Variants in VWA5A observed in about 807,000 individuals in gnomAD.
VWA5A encodes von Willebrand factor A domain containing 5A.
VWA5A carries 77 observed loss-of-function variants against 84.6 expected under a neutral mutation model. The observed-to-expected ratio is 0.91, with a 90% CI of 0.76 to 1.10. The LOEUF (loss-of-function observed/expected upper bound fraction) is 1.10. Ranked by LOEUF, VWA5A falls within the 50% of genes least tolerant of loss-of-function variation. The pLI is 0.00. For missense variants in VWA5A, 973 were observed against 963.0 expected (o/e 1.01, Z -0.14); for synonymous variants, 334 against 350.1 (o/e 0.95, Z 0.51).
chr11:124,144,278 A>G (rs944744248), intron 17 of VWA5A, among the ~76,000 whole-genome samples: 3 of 152,230 alleles, frequency 2.0e-5, no homozygotes, highest in Non-Finnish European at 4.4e-5. Flanking sequence ...GAGCATTTGC[A>G]CATGAAAATC....
intron 11 of VWA5A, among the ~76,000 whole-genome samples, chr11:124,133,409 G>T (rs1393514280): frequency 6.6e-6 from 1 of 152,224 alleles, no homozygotes; most frequent in South Asian, 2.1e-4. Flanking sequence ...GCTTCAAAGG[G>T]TCAAGGAACA....
chr11:124,140,674 G>T (rs1017717216), intron 15 of VWA5A, among the ~76,000 whole-genome samples: 2 of 151,952 alleles, frequency 1.3e-5, no homozygotes, highest in Non-Finnish European at 2.9e-5. Flanking sequence ...TCACTACATT[G>T]CCTAGGCTGG....
At chr11:124,125,301 G>A (rs1046392145) in intron 11 of VWA5A, among the ~76,000 whole-genome samples, 1 of 136,276 alleles carries the variant, frequency 7.3e-6, no homozygotes, top group Non-Finnish European at 1.6e-5. Context: ...TTTTTTTCTT[G>A]AGATGGAGTC....
At chr11:124,123,475 T>A in intron 9 of VWA5A, 21 bp downstream of exon 9, 1 of 1,611,576 alleles carries the variant, frequency 6.2e-7, no homozygotes, top group African/African-American at 1.3e-5. Flanking sequence ...GGAAAGACAA[T>A]AGGGAGTACA....
Position 124,123,679 on chromosome 11 carries a change from C to T in VWA5A, c.1039C>T (p.Gln347Ter), listed in dbSNP as rs756535308. 3 of 1,613,938 alleles carry T rather than the reference C, an allele frequency of 1.9e-6. No homozygotes were observed. Among genetic ancestry groups the T allele is most frequent in the Non-Finnish European group, 2.5e-6 (3 of 1,180,012 alleles). The change falls in exon 10 of 19, where the codon CAG (glutamine) becomes TAG (stop). Residue 347 changes from glutamine to a stop codon, truncating the protein, a stop_gained. Coordinates refer to ENST00000456829, the MANE Select transcript of VWA5A (RefSeq NM_001130142.2). LOFTEE classifies it high-confidence loss of function. ...TCTCAGGGAGAGTGTGAAGTACACT[C>T]AGCAAACAATGGAGGAGGCTCTGGG... ...ACFPESVKYT[Q>*]QTMEEALGRV...
intron 17 of VWA5A, 135 bp downstream of exon 17, chr11:124,142,707 G>T: frequency 1.1e-5 from 13 of 1,209,172 alleles, no homozygotes; most frequent in Non-Finnish European, 1.5e-5. Flanking sequence ...AATAAATAGA[G>T]GCTGAAGGTT....
intron 11 of VWA5A, among the ~76,000 whole-genome samples, chr11:124,131,277 G>A (rs187432094): frequency 2.1e-3 from 320 of 152,210 alleles, no homozygotes; most frequent in African/African-American, 7.5e-3. Context: ...TGGAGATGCT[G>A]GATAAAGAGG....
In VWA5A at chr11:124,118,240, T is replaced by C. The variant is rs147908759; in HGVS notation, c.298T>C (p.Leu100=). 2.6e-4 allele frequency: 415 copies of C among 1,614,060 alleles called. No individual in the cohort carries two copies. The highest frequency in any genetic ancestry group is 3.3e-4 in the Non-Finnish European group (392 of 1,180,028). ...CTCCCAGGGCCACCAGGCCTTCTTATTGGAGGGGGACAGCAGCTCCAGGGA... is the reference window on the plus strand; with the variant it reads ...CTCCCAGGGCCACCAGGCCTTCTTACTGGAGGGGGACAGCAGCTCCAGGGA... The part of the protein sequence containing the change: ...AISQGHQAFL[L]EGDSSSRDVF... Residue 100 remains leucine (L), a synonymous_variant, in exon 5 of 19, where the codon TTG becomes CTG. Coordinates refer to ENST00000456829, the MANE Select transcript of VWA5A (RefSeq NM_001130142.2).
chr11:124,118,501 A>G, intron 5 of VWA5A, 32 bp from the exon 6 acceptor site: 2 of 1,611,672 alleles, frequency 1.2e-6, no homozygotes, highest in South Asian at 2.2e-5. Flanking sequence ...AAGTGTTGGC[A>G]AGGAAAACAG....
chr11:124,145,795 T>G, intron 18 of VWA5A, 71 bp from the exon 19 acceptor site: 38 of 1,452,606 alleles, frequency 2.6e-5, no homozygotes, highest in Non-Finnish European at 3.1e-5. Context: ...TCAGGGTAGA[T>G]GATCTGGGAG....
Position 124,117,720 on chromosome 11 carries a change from G to C in VWA5A, c.91G>C (p.Ala31Pro). The C allele has an allele frequency of 1.9e-6, 3 of 1,614,196 alleles. No homozygotes were observed. Among genetic ancestry groups the C allele is most frequent in the South Asian group, 1.1e-5 (1 of 91,084 alleles). Residue 31 changes from alanine to proline, a missense_variant, in exon 4 of 19, where the codon GCT (alanine) becomes CCT (proline). By Grantham distance (27) the Ala-to-Pro change is conservative. Transcript: ENST00000456829. ...SVSVNIYEFV[A>P]GVSATLNYEN... Reference sequence around the variant, plus strand: ...GAGCGTGAACATTTACGAGTTTGTGGCTGGTGTGTCTGCAACTTTGAACTA... The same window carrying C: ...GAGCGTGAACATTTACGAGTTTGTGCCTGGTGTGTCTGCAACTTTGAACTA...
At position 124,130,510 on chromosome 11, in the gene VWA5A, T is replaced by G. The variant is rs887144270; in HGVS notation, c.1245-4410T>G. 2.4e-4 allele frequency among the ~76,000 whole-genome samples: 37 copies of G among 152,196 alleles called. 1 individual carries two copies. Among genetic ancestry groups the G allele is most frequent in the African/African-American group, 8.4e-4 (35 of 41,458 alleles). ...CTATTAGCTTCACTTGGTCCAGAGC[T>G]GAGTTCAAGTCCTGAATATATTTGT... On this transcript the variant is annotated intron_variant, in intron 11 of 18. Coordinates refer to ENST00000456829, the MANE Select transcript of VWA5A (RefSeq NM_001130142.2).
chr11:124,132,021 TTC>T (rs1865104774), intron 11 of VWA5A, among the ~76,000 whole-genome samples: 1 of 152,024 alleles, frequency 6.6e-6, no homozygotes, highest in East Asian at 1.9e-4. Context: ...GAGGGTTCTT[TTC>T]TCTCTTTTCT....
chr11:124,136,228 G>C lies in VWA5A; in HGVS notation c.1459G>C (p.Glu487Gln). ...TCTGTCTGCTAAAATGCTTTCCCCA[G>C]AACAGACTGTCATCTTTAGGGGTCA... is the stretch of plus-strand genomic sequence containing the variant. ...PGLSAKMLSP[E>Q]QTVIFRGQRL... The change falls in exon 13 of 19, where the codon GAA becomes CAA. Residue 487 changes from glutamate (E) to glutamine (Q), a missense_variant. Coordinates refer to ENST00000456829, the MANE Select transcript of VWA5A (RefSeq NM_001130142.2). 1 of 1,614,122 alleles carries C rather than the reference G, an allele frequency of 6.2e-7. No homozygotes were observed. Among genetic ancestry groups the C allele is most frequent in the South Asian group, 1.1e-5 (1 of 91,074 alleles).
Position 124,123,173 on chromosome 11 carries a change from A to C in VWA5A, c.930+44A>C, listed in dbSNP as rs1178145857. 6 of 1,589,426 alleles carry C rather than the reference A, an allele frequency of 3.8e-6. No homozygotes were observed. In the African/African-American group the frequency reaches 8.1e-5, roughly 21 times the overall value. On this transcript the variant is annotated intron_variant, in intron 8 of 18. Coordinates refer to ENST00000456829, the MANE Select transcript of VWA5A (RefSeq NM_001130142.2). ...CTCTTCTGGGTCACATGCTCAAGTG[A>C]GGATGAATCTGAGGGGTTAAATAAG...
At chr11:124,127,817 G>A (rs889144777) in intron 11 of VWA5A, among the ~76,000 whole-genome samples, 6 of 152,060 alleles carry the variant, frequency 3.9e-5, no homozygotes, top group Non-Finnish European at 8.8e-5. Flanking sequence ...GTCTTCTTTT[G>A]GAAAGTGTCT....
At chr11:124,118,135 C>CATGTCACCTTG in intron 4 of VWA5A, 54 bp from the exon 5 acceptor site, 1 of 1,571,356 alleles carries the variant, frequency 6.4e-7, no homozygotes, top group South Asian at 1.2e-5. Context: ...CTTTTTCAGC[C>CATGTCACCTTG]ATGTCACCTT....
rs904637714 is a variant in VWA5A at position 124,123,737 on chromosome 11, G to C, written c.1097G>C (p.Gly366Ala). Residue 366 changes from glycine to alanine, a missense_variant, in exon 10 of 19, where the codon GGC (glycine) becomes GCC (alanine). Transcript: ENST00000456829. ...RVKLMQADLG[G>A]TEILAPLQNI... ...AAGCTTATGCAGGCCGACCTAGGGG[G>C]CACTGAAATCTTGGCACCACTCCAG... 1 of 1,610,762 alleles carries C rather than the reference G, an allele frequency of 6.2e-7. No homozygotes were observed. The highest frequency in any genetic ancestry group is 1.3e-5 in the African/African-American group (1 of 74,692).
At chr11:124,130,806 G>A (rs996911437) in intron 11 of VWA5A, among the ~76,000 whole-genome samples, 3 of 152,062 alleles carry the variant, frequency 2.0e-5, no homozygotes, top group African/African-American at 7.2e-5. Flanking sequence ...TTTAGTGAAA[G>A]CAATAAATAA....
Sources: gnomAD v4.1 joint callset for allele counts (sites outside exome capture counted in the v4.1 genomes callset) on GRCh38, gnomAD v4.1.1 for gene constraint, MANE v1.5 for transcripts, NCBI Gene and HGNC (gene_info 2026-07-23, HGNC 2026-07-21) for gene names.